DISC1: variants seen among roughly 807,000 people sequenced by gnomAD.
DISC1 encodes disrupted in schizophrenia 1 protein.
DISC1 carries 57 observed loss-of-function variants against 84.5 expected under a neutral mutation model. That is an observed-to-expected ratio of 0.67 (90% CI 0.55 to 0.84). The LOEUF (loss-of-function observed/expected upper bound fraction) is 0.84. Among genes scored for constraint, DISC1 ranks in the 40% least tolerant of loss-of-function variants. The probability of loss-of-function intolerance (pLI) is 0.00; values close to 1 mark genes in which losing one functional copy is unlikely to be tolerated. For missense variants in DISC1, 1,000 were observed against 1,057.8 expected, an observed-to-expected ratio of 0.95 and a Z score of 0.76; for synonymous variants, 411 against 415.2, an observed-to-expected ratio of 0.99 and a Z score of 0.12.
chr1:231,894,342 A>G (rs1473838688), intron 9 of DISC1, among the ~76,000 whole-genome samples: 1 of 152,238 alleles, frequency 6.6e-6, no homozygotes, highest in Non-Finnish European at 1.5e-5. Context: ...AAGTGAACCT[A>G]TGAGTTTATT....
At chr1:231,890,452 G>A (rs1330187539) in intron 9 of DISC1, among the ~76,000 whole-genome samples, 1 of 152,144 alleles carries the variant, frequency 6.6e-6, no homozygotes, top group Non-Finnish European at 1.5e-5. Context: ...AAAATTTTTT[G>A]AATAATAAGT....
intron 9 of DISC1, among the ~76,000 whole-genome samples, chr1:231,947,220 C>T (rs1657417190): frequency 6.6e-6 from 1 of 152,204 alleles, no homozygotes; most frequent in South Asian, 2.1e-4. Context: ...TACAAGCTTA[C>T]AGTAACCAAA....
chr1:231,845,421 T>A (rs1574228018), intron 9 of DISC1, among the ~76,000 whole-genome samples: 1 of 150,348 alleles, frequency 6.7e-6, no homozygotes, highest in East Asian at 2.0e-4. Context: ...TTGAGGAGAG[T>A]GGGGAAAGGT....
At chr1:231,892,671 T>TA (rs35179993) in intron 9 of DISC1, among the ~76,000 whole-genome samples, 30,878 of 145,836 alleles carry the variant, frequency 0.21, 3,245 homozygotes, top group Middle Eastern at 0.27. Flanking sequence ...CAGGCAATTA[T>TA]AAAAAAAAAA....
chr1:231,653,806 T>C (rs1207222810), intron 1 of DISC1, among the ~76,000 whole-genome samples: 1 of 152,148 alleles, frequency 6.6e-6, no homozygotes, highest in Non-Finnish European at 1.5e-5. Context: ...AGGATCCTTG[T>C]GGTTTGATGA....
chr1:231,848,949 A>G (rs181407481), intron 9 of DISC1, among the ~76,000 whole-genome samples: 19 of 152,282 alleles, frequency 1.2e-4, no homozygotes, highest in Admixed American at 1.2e-3. Context: ...CAACGAATAA[A>G]TGAGTGAATA....
chr1:231,956,568 A>C (rs1430362746), intron 9 of DISC1, among the ~76,000 whole-genome samples: 1 of 151,966 alleles, frequency 6.6e-6, no homozygotes, highest in Admixed American at 6.6e-5. Flanking sequence ...GTGTTTTTCC[A>C]TTCCACTCAG....
intron 9 of DISC1, among the ~76,000 whole-genome samples, chr1:231,919,354 T>C (rs1316235725): frequency 3.3e-5 from 5 of 152,252 alleles, no homozygotes; most frequent in Admixed American, 2.0e-4. Context: ...TTTAAGACTT[T>C]ACCATGCTTG....
At chr1:231,913,328 T>C (rs1446631482) in intron 9 of DISC1, among the ~76,000 whole-genome samples, 1 of 152,204 alleles carries the variant, frequency 6.6e-6, no homozygotes, top group Non-Finnish European at 1.5e-5. Flanking sequence ...TTATAAATGC[T>C]TCATGTTGGG....
chr1:232,008,722 C>G (rs199653145), intron 10 of DISC1, 63 bp from the exon 11 acceptor site: 427 of 1,500,798 alleles, frequency 2.8e-4, no homozygotes, highest in Middle Eastern at 8.5e-4. Context: ...GACAAGCTAT[C>G]GACTTGGTAT....
intron 3 of DISC1, among the ~76,000 whole-genome samples, chr1:231,733,762 G>T (rs377572314): frequency 1.6e-5 from 1 of 64,514 alleles, no homozygotes; most frequent in Non-Finnish European, 4.0e-5. Context: ...ATGAGTAGTG[G>T]TGGTAGTGGT....
Position 231,662,920 on chromosome 1 carries a change from A to C in DISC1, c.68-30906A>C, listed in dbSNP as rs139053349. Among the ~76,000 whole-genome samples the C allele has an allele frequency of 2.8e-3, 427 of 152,272 alleles. 7 individuals are homozygous for C. The highest frequency in any genetic ancestry group is 9.6e-3 in the East Asian group (50 of 5,184). ...AGGGTCAAAAATACTGTAAGATATA[A>C]AGGAGGCAAAATGGCAAAAGTAAGT... is the stretch of plus-strand genomic sequence containing the variant. On this transcript the variant is annotated intron_variant, in intron 1 of 12. Coordinates refer to ENST00000439617, the MANE Select transcript of DISC1 (RefSeq NM_018662.3).
chr1:231,826,758 G>A lies in DISC1; in HGVS notation c.1981+8241G>A, dbSNP rs2081889194. Among the ~76,000 whole-genome samples, 1 of 152,184 alleles carries A rather than the reference G, an allele frequency of 6.6e-6. No homozygotes were observed. ...ATAACTGTTGCTAGTTCTGCTTCCT[G>A]TTCTAAAATGCTGAAATGGCAATCT... On this transcript the variant is annotated intron_variant, in intron 9 of 12. Transcript: ENST00000439617. This position sits in a 1 kb window ranked among gnomAD's most constrained non-coding sequence, Gnocchi z 4.2.
chr1:231,639,338 G>A (rs925675169), intron 1 of DISC1, among the ~76,000 whole-genome samples: 1 of 152,168 alleles, frequency 6.6e-6, no homozygotes, highest in African/African-American at 2.4e-5. Context: ...AGTGGATTTA[G>A]GGGACTGATG....
chr1:231,933,657 G>A (rs1173520923), intron 9 of DISC1, among the ~76,000 whole-genome samples: 2 of 152,068 alleles, frequency 1.3e-5, no homozygotes, highest in Non-Finnish European at 2.9e-5. Context: ...AAAGGACATT[G>A]GTGAATTTCC....
intron 3 of DISC1, among the ~76,000 whole-genome samples, chr1:231,703,457 T>A (rs1330027626): frequency 6.6e-6 from 1 of 152,198 alleles, no homozygotes; most frequent in Admixed American, 6.5e-5. Context: ...ACAGCTAGTT[T>A]TGAAGCTGCC....
intron 3 of DISC1, chr1:231,723,018 A>C: frequency 9.1e-7 from 1 of 1,104,648 alleles, no homozygotes; most frequent in Non-Finnish European, 1.1e-6. Flanking sequence ...TTATGAAGGA[A>C]TCATTTTCCC....
At chr1:232,012,106 T>C (rs1468972341) in intron 11 of DISC1, among the ~76,000 whole-genome samples, 3 of 152,228 alleles carry the variant, frequency 2.0e-5, no homozygotes, top group Non-Finnish European at 2.9e-5. Context: ...TATCACTCTT[T>C]CTGGCAGTCA....
intron 9 of DISC1, among the ~76,000 whole-genome samples, chr1:231,839,176 C>CT (rs1184750782): frequency 6.6e-6 from 1 of 152,126 alleles, no homozygotes; most frequent in African/African-American, 2.4e-5. Flanking sequence ...AAGAGGAGAG[C>CT]ACAGACTCAG....
Sources: gnomAD v4.1 joint callset for allele counts (sites outside exome capture counted in the v4.1 genomes callset) on GRCh38, gnomAD v4.1.1 for gene constraint, Gnocchi (gnomAD v3.1) non-coding constraint, MANE v1.5 for transcripts, NCBI Gene and HGNC (gene_info 2026-07-23, HGNC 2026-07-21) for gene names.